GDI2: variants seen among roughly 807,000 people sequenced by gnomAD.
GDI2 encodes the protein GDP dissociation inhibitor 2, also known as rab GDP dissociation inhibitor beta.
A neutral mutation model predicts 54.2 loss-of-function variants in GDI2; 22 were observed. The ratio of observed to expected loss-of-function variants is 0.41; its 90% CI spans 0.29 to 0.58. The LOEUF is 0.58. Ranked by LOEUF, GDI2 falls within the 20% of genes least tolerant of loss-of-function variation. The probability of loss-of-function intolerance (pLI) is 0.35; values close to 1 mark genes in which losing one functional copy is unlikely to be tolerated. For synonymous variants in GDI2, 177 were observed against 182.1 expected (o/e 0.97, Z 0.23); for missense variants, 422 against 546.0 (o/e 0.77, Z 2.26).
At chr10:5,803,091 T>C (rs1468692838) in intron 1 of GDI2, among the ~76,000 whole-genome samples, 1 of 152,236 alleles carries the variant, frequency 6.6e-6, no homozygotes, top group Non-Finnish European at 1.5e-5. Flanking sequence ...CAGAAGCATG[T>C]ATGTGAATTC....
chr10:5,798,734 T>C (rs1031897934), intron 2 of GDI2, among the ~76,000 whole-genome samples: 2 of 151,998 alleles, frequency 1.3e-5, no homozygotes, highest in Non-Finnish European at 2.9e-5. Context: ...CCGCAGCACT[T>C]TGGAAGGCCA....
chr10:5,812,450 G>A (rs1841496606), intron 1 of GDI2, among the ~76,000 whole-genome samples: 1 of 152,214 alleles, frequency 6.6e-6, no homozygotes, highest in Non-Finnish European at 1.5e-5. Context: ...ATTCTTAGGG[G>A]AAAACAGTCC....
At position 5,776,277 on chromosome 10, in the gene GDI2, G is replaced by A. The variant is rs117499020; in HGVS notation, c.720-2336C>T. On this transcript the variant is annotated intron_variant, in intron 6 of 10. Coordinates refer to ENST00000380191, the MANE Select transcript of GDI2 (RefSeq NM_001494.4). The surrounding 1 kb of genome is among the most constrained non-coding windows in gnomAD (Gnocchi z 5.3). The stretch of plus-strand genomic sequence containing the variant: ...CAAGACAGGTGGAAAAGGGCCCAGC[G>A]TGAAAAGACTGAAAGCCCAGCAGAA... 16 of 529,276 alleles carry A rather than the reference G, an allele frequency of 3.0e-5. No homozygotes were observed. The East Asian group carries it at 4.1e-4, about 14-fold the overall frequency. 32.8% of individuals were successfully genotyped at this position (529,276 alleles called of 1,614,324 possible). A position where few individuals can be genotyped will look rare whatever the true frequency, so the allele number is the denominator to read the frequency against.
chr10:5,784,251 C>T (rs1286566283), intron 6 of GDI2, among the ~76,000 whole-genome samples: 2 of 152,192 alleles, frequency 1.3e-5, no homozygotes, highest in Non-Finnish European at 2.9e-5. Context: ...TTGCATGTCT[C>T]TAAGTGTGTC....
At chr10:5,801,533 G>A (rs887580230) in intron 1 of GDI2, among the ~76,000 whole-genome samples, 6 of 151,888 alleles carry the variant, frequency 4.0e-5, no homozygotes, top group South Asian at 2.1e-4. Context: ...AAAATTAGCC[G>A]GGCATGGTGG....
intron 4 of GDI2, among the ~76,000 whole-genome samples, chr10:5,790,948 G>C (rs1840997590): frequency 6.6e-6 from 1 of 151,844 alleles, no homozygotes. Flanking sequence ...TTGAGCCCAG[G>C]AATTCAAGAC....
At chr10:5,797,035 T>C (rs1841161535) in intron 2 of GDI2, among the ~76,000 whole-genome samples, 173 bp from the exon 3 acceptor site, 1 of 152,210 alleles carries the variant, frequency 6.6e-6, no homozygotes, top group Non-Finnish European at 1.5e-5. Context: ...CCAATATATA[T>C]GTAAATTAAT....
intron 1 of GDI2, among the ~76,000 whole-genome samples, chr10:5,801,822 G>A (rs982006727): frequency 6.6e-6 from 1 of 152,126 alleles, no homozygotes; most frequent in African/African-American, 2.4e-5. Context: ...ACCAGCCTGG[G>A]CAATACGGTG....
Position 5,813,317 on chromosome 10 carries a change from C to A in GDI2, c.-59G>T. On this transcript the variant is annotated 5_prime_UTR_variant, in exon 1 of 11. Coordinates refer to ENST00000380191, the MANE Select transcript of GDI2 (RefSeq NM_001494.4). ...GGAAAAGGCGCAGGGGCTCCGTGACCACCCTACGAGGCTGGGAGGCGCTCT... is the reference window on the plus strand; with the variant it reads ...GGAAAAGGCGCAGGGGCTCCGTGACAACCCTACGAGGCTGGGAGGCGCTCT... The A allele has an allele frequency of 7.7e-7, 1 of 1,300,750 alleles. No homozygotes were observed. Among genetic ancestry groups the A allele is most frequent in the Non-Finnish European group, 1.1e-6 (1 of 921,218 alleles). The allele number at this position is 1,300,750 out of a possible 1,614,324, so 80.6% of individuals were successfully genotyped here. A position where few individuals can be genotyped will look rare whatever the true frequency, so the allele number is the denominator to read the frequency against.
At chr10:5,785,077 C>T (rs746098162) in intron 6 of GDI2, 65 bp downstream of exon 6, 3 of 1,116,146 alleles carry the variant, frequency 2.7e-6, no homozygotes, top group Non-Finnish European at 3.8e-6. Context: ...TAAACTATAT[C>T]TCATATACAC....
intron 6 of GDI2, among the ~76,000 whole-genome samples, chr10:5,777,643 T>C (rs1344410765): frequency 6.6e-6 from 1 of 152,166 alleles, no homozygotes; most frequent in East Asian, 1.9e-4. Flanking sequence ...CAGCAGATGC[T>C]GGAGAGGATG....
intron 1 of GDI2, among the ~76,000 whole-genome samples, chr10:5,800,928 CATT>C (rs913235078): frequency 6.6e-6 from 1 of 151,810 alleles, no homozygotes; most frequent in African/African-American, 2.4e-5. Context: ...AACACTAAGA[CATT>C]AGTCACCTTT....
At chr10:5,793,938 T>C (rs567940256) in intron 4 of GDI2, among the ~76,000 whole-genome samples, 1 of 151,642 alleles carries the variant, frequency 6.6e-6, no homozygotes, top group East Asian at 1.9e-4. Context: ...CCAAGGCAGG[T>C]GAAACACCTG....
intron 1 of GDI2, among the ~76,000 whole-genome samples, chr10:5,810,273 T>C (rs768676301): frequency 1.5e-4 from 23 of 152,206 alleles, no homozygotes; most frequent in Non-Finnish European, 2.6e-4. Flanking sequence ...AAATTCTTAC[T>C]GTGTAGAACA....
intron 7 of GDI2, among the ~76,000 whole-genome samples, chr10:5,773,354 C>T (rs1238652755): frequency 1.3e-5 from 2 of 152,056 alleles, no homozygotes; most frequent in Non-Finnish European, 2.9e-5. Flanking sequence ...GGGAAACGAT[C>T]TTTTTTTCCT....
At position 5,766,223 on chromosome 10, in the gene GDI2, T is replaced by A. The variant is rs1564386142; in HGVS notation, c.1191+18A>T. 1.2e-6 allele frequency: 2 copies of A among 1,612,338 alleles called. No homozygotes were observed. The highest frequency in any genetic ancestry group is 1.7e-6 in the Non-Finnish European group (2 of 1,178,336). Reference sequence around the variant, plus strand: ...TCCAGTGAAACCTGCCCATATCCTTTCACACTTCCATACTCACCTGGCTTT... The same window carrying A: ...TCCAGTGAAACCTGCCCATATCCTTACACACTTCCATACTCACCTGGCTTT... On this transcript the variant is annotated intron_variant, in intron 10 of 10. Coordinates refer to ENST00000380191, the MANE Select transcript of GDI2 (RefSeq NM_001494.4). This position sits in a 1 kb window ranked among gnomAD's most constrained non-coding sequence, Gnocchi z 5.8.
At chr10:5,799,050 A>C (rs987308619) in intron 2 of GDI2, among the ~76,000 whole-genome samples, 2 of 152,176 alleles carry the variant, frequency 1.3e-5, no homozygotes, top group Non-Finnish European at 2.9e-5. Flanking sequence ...GATTAAGAAA[A>C]TAAAGAGGTG....
At chr10:5,781,088 A>G (rs1439068929) in intron 6 of GDI2, among the ~76,000 whole-genome samples, 1 of 152,056 alleles carries the variant, frequency 6.6e-6, no homozygotes, top group Non-Finnish European at 1.5e-5. Flanking sequence ...TATGTAGCCA[A>G]CTGATCTCCC....
chr10:5,799,345 AAAC>A (rs1056661622), intron 2 of GDI2, among the ~76,000 whole-genome samples: 10 of 152,270 alleles, frequency 6.6e-5, no homozygotes, highest in Admixed American at 1.3e-4. Flanking sequence ...TCTTAAAAAC[AAAC>A]AACAACAACA....
Sources: allele counts gnomAD v4.1 joint callset (sites outside exome capture counted in the v4.1 genomes callset), GRCh38; gene constraint gnomAD v4.1.1; non-coding constraint Gnocchi (gnomAD v3.1); transcripts MANE v1.5; gene names NCBI Gene and HGNC (gene_info 2026-07-23, HGNC 2026-07-21).